SAMD12: variants seen among roughly 807,000 people sequenced by gnomAD.
SAMD12 encodes sterile alpha motif domain-containing protein 12.
A neutral mutation model predicts 15.0 loss-of-function variants in SAMD12; 9 were observed. That is an observed-to-expected ratio of 0.60 (90% CI 0.36 to 1.05). The LOEUF is 1.05. Ranked by LOEUF, SAMD12 falls within the 50% of genes least tolerant of loss-of-function variation. The pLI, the probability that SAMD12 is intolerant of heterozygous loss-of-function variation, is 0.01. For synonymous variants in SAMD12, 86 were observed against 90.1 expected (o/e 0.96, Z 0.25); for missense variants, 230 against 234.2 (o/e 0.98, Z 0.12).
At chr8:118,170,455 A>C in the SAMD12 span, among the ~76,000 whole-genome samples, 2 of 152,208 alleles carry the variant, frequency 1.3e-5, no homozygotes, top group Non-Finnish European at 2.9e-5. Context: ...TCAACCAATA[A>C]CAGATCAATT....
chr8:118,614,174 C>G (rs1828176661), intron 1 of SAMD12, among the ~76,000 whole-genome samples: 1 of 152,140 alleles, frequency 6.6e-6, no homozygotes, highest in Admixed American at 6.5e-5. Flanking sequence ...GGCAGGAAGA[C>G]AAGGTGAAAC....
At chr8:118,345,526 G>A (rs1248357106) in intron 4 of SAMD12, among the ~76,000 whole-genome samples, 1 of 152,208 alleles carries the variant, frequency 6.6e-6, no homozygotes, top group Admixed American at 6.5e-5. Flanking sequence ...AGTGGAACCT[G>A]AGCTGGGATT....
chr8:118,433,412 C>CTT (rs67140443), intron 3 of SAMD12, among the ~76,000 whole-genome samples: 1,596 of 148,216 alleles, frequency 0.011, 13 homozygotes, highest in Non-Finnish European at 0.014. Context: ...TTGAAAGGGT[C>CTT]TTTTTTTTTT....
chr8:118,591,169 T>A (rs1827577371), intron 1 of SAMD12, among the ~76,000 whole-genome samples: 1 of 152,212 alleles, frequency 6.6e-6, no homozygotes, highest in Non-Finnish European at 1.5e-5. Flanking sequence ...TTATGGTATA[T>A]AAATTAATCT....
chr8:118,602,450 G>A (rs1324142703), intron 1 of SAMD12, among the ~76,000 whole-genome samples: 1 of 152,168 alleles, frequency 6.6e-6, no homozygotes, highest in East Asian at 1.9e-4. Context: ...GGGAATCCCT[G>A]ATTAAAGGAA....
chr8:118,237,611 A>T (rs1317420809), intron 4 of SAMD12, among the ~76,000 whole-genome samples: 4 of 152,270 alleles, frequency 2.6e-5, no homozygotes, highest in East Asian at 3.9e-4. Flanking sequence ...AGGGCCTCTT[A>T]CTATGAGAGG....
chr8:118,367,403 C>G (rs1465344028), intron 4 of SAMD12, among the ~76,000 whole-genome samples: 1 of 152,162 alleles, frequency 6.6e-6, no homozygotes, highest in Non-Finnish European at 1.5e-5. Flanking sequence ...ACTGTAGGGT[C>G]TATACTTATC....
At chr8:118,577,375 A>G (rs1388581410) in intron 2 of SAMD12, among the ~76,000 whole-genome samples, 1 of 152,212 alleles carries the variant, frequency 6.6e-6, no homozygotes, top group East Asian at 1.9e-4. Context: ...TGAAAGCAAT[A>G]CAAATTTCAG....
In SAMD12 at chr8:118,552,029, T is replaced by C. The variant is rs1401643826; in HGVS notation, c.192+28686A>G. ...ATAACAGGAGCTGAAATTGTGGCAA[T>C]AATCAATAGCTTACCAACCAAAAAG... On this transcript the variant is annotated intron_variant, in intron 2 of 3. Coordinates refer to ENST00000314727, the MANE Select transcript of SAMD12 (RefSeq NM_207506.3). Among the ~76,000 whole-genome samples the C allele has an allele frequency of 3.0e-3, 449 of 151,838 alleles. 4 individuals carry two copies. Among genetic ancestry groups the C allele is most frequent in the Middle Eastern group, 0.021 (6 of 290 alleles).
chr8:118,579,830 G>C (rs931072686), intron 2 of SAMD12, among the ~76,000 whole-genome samples: 4 of 152,166 alleles, frequency 2.6e-5, no homozygotes, highest in Non-Finnish European at 4.4e-5. Context: ...CAGTGTCCAA[G>C]AGGAAAACTA....
At chr8:118,371,880 AG>A (rs1348806056) in intron 4 of SAMD12, among the ~76,000 whole-genome samples, 8 of 152,286 alleles carry the variant, frequency 5.3e-5, no homozygotes, top group African/African-American at 1.9e-4. Flanking sequence ...GTGGCAGAAG[AG>A]GGCAGTTTGC....
At chr8:118,603,122 T>C (rs1000047053) in intron 1 of SAMD12, among the ~76,000 whole-genome samples, 3 of 151,830 alleles carry the variant, frequency 2.0e-5, no homozygotes, top group African/African-American at 7.3e-5. Context: ...ATAGCAAACA[T>C]ACACTTTAAA....
rs548568879 is a variant in SAMD12 at position 118,448,516 on chromosome 8, G to A, written c.193-8555C>T. Among the ~76,000 whole-genome samples the A allele has an allele frequency of 5.9e-5, 9 of 152,282 alleles. 1 individual carries two copies. The South Asian group carries it at 1.0e-3, about 18-fold the overall frequency. ...AACAAATGAAAGAACTGTCTGTTCC[G>A]CCATCATATATCACAGATCCTACAT... is the stretch of plus-strand genomic sequence containing the variant. On this transcript the variant is annotated intron_variant, in intron 2 of 3. Transcript: ENST00000314727.
chr8:118,189,946 G>GAAAAAAAAAAAAAA (rs895075538), exon 5 of SAMD12: 1 of 69,066 alleles, frequency 1.4e-5, no homozygotes, highest in Admixed American at 1.7e-4. Context: ...ATGCACAGAG[G>GAAAAAAAAAAAAAA]AAAAAAAAAA....
At chr8:118,316,816 G>GTT (rs35418863) in intron 4 of SAMD12, among the ~76,000 whole-genome samples, 100 of 117,896 alleles carry the variant, frequency 8.5e-4, no homozygotes, top group East Asian at 2.2e-3. Context: ...TTAAAAAAAA[G>GTT]TTTTTTTTTT....
chr8:118,389,162 T>C (rs1820134223), intron 3 of SAMD12, among the ~76,000 whole-genome samples: 2 of 152,254 alleles, frequency 1.3e-5, no homozygotes, highest in South Asian at 2.1e-4. Flanking sequence ...GTAAGAATGA[T>C]ATGAACCTAT....
At chr8:118,301,599 G>T (rs1250853571) in intron 4 of SAMD12, among the ~76,000 whole-genome samples, 1 of 152,212 alleles carries the variant, frequency 6.6e-6, no homozygotes, top group Non-Finnish European at 1.5e-5. Flanking sequence ...TATGGTAAAT[G>T]TATGCATAGG....
intron 4 of SAMD12, among the ~76,000 whole-genome samples, chr8:118,211,019 A>C (rs923148626): frequency 1.3e-5 from 2 of 152,206 alleles, no homozygotes; most frequent in Non-Finnish European, 2.9e-5. Flanking sequence ...CAGTCTAATG[A>C]GAGATTCGCA....
At chr8:118,287,361 G>T (rs908919335) in intron 4 of SAMD12, among the ~76,000 whole-genome samples, 54 of 149,962 alleles carry the variant, frequency 3.6e-4, no homozygotes, top group African/African-American at 1.2e-3. Context: ...TCCTGACCTC[G>T]TGATCCGCCC....
Sources: gnomAD v4.1 joint callset for allele counts (sites outside exome capture counted in the v4.1 genomes callset) on GRCh38, gnomAD v4.1.1 for gene constraint, MANE v1.5 for transcripts, NCBI Gene and HGNC (gene_info 2026-07-23, HGNC 2026-07-21) for gene names.